Variants in SKAP2 observed in about 807,000 individuals in gnomAD.
SKAP2 encodes src kinase associated phosphoprotein 2.
SKAP2 carries 28 observed loss-of-function variants against 54.9 expected under a neutral mutation model. The observed-to-expected ratio is 0.51, with a 90% CI of 0.38 to 0.70. SKAP2 has a LOEUF of 0.70. Among genes scored for constraint, SKAP2 ranks in the 30% least tolerant of loss-of-function variants. The probability of loss-of-function intolerance (pLI) is 0.00; values close to 1 mark genes in which losing one functional copy is unlikely to be tolerated. For missense variants in SKAP2, 356 were observed against 424.1 expected (o/e 0.84, Z 1.41); for synonymous variants, 137 against 134.3 (o/e 1.02, Z -0.14).
chr7:26,834,701 T>C (rs1784669103), intron 4 of SKAP2, among the ~76,000 whole-genome samples: 1 of 152,054 alleles, frequency 6.6e-6, no homozygotes, highest in Admixed American at 6.6e-5. Flanking sequence ...AGGCAGTAAT[T>C]AACAGCCTAC....
chr7:26,768,281 C>CTTTT (rs150416174), intron 4 of SKAP2, among the ~76,000 whole-genome samples: 4,422 of 139,912 alleles, frequency 0.032, 225 homozygotes, highest in African/African-American at 0.11. Context: ...GCAACCCCTG[C>CTTTT]TTTTTTTTTT....
In SKAP2 at chr7:26,795,459, TTTC is replaced by T. The variant is rs372555714; in HGVS notation, c.307+48568_307+48570del. Among the ~76,000 whole-genome samples, 726 of 152,338 alleles carry T rather than the reference TTTC, an allele frequency of 4.8e-3. 5 individuals are homozygous for T. The highest frequency in any genetic ancestry group is 0.016 in the African/African-American group (658 of 41,584). On this transcript the variant is annotated intron_variant, in intron 4 of 12. Coordinates refer to ENST00000345317, the MANE Select transcript of SKAP2 (RefSeq NM_003930.5). Reference sequence around the variant, plus strand: ...AAACTTCTAAGTGGATTTTTGAATTTTTCTTCTTATTAGTAAGAACCTCATTTT... The same window carrying T: ...AAACTTCTAAGTGGATTTTTGAATTTTTCTTATTAGTAAGAACCTCATTTT...
chr7:26,789,639 G>C (rs890914934), intron 4 of SKAP2, among the ~76,000 whole-genome samples: 1 of 151,968 alleles, frequency 6.6e-6, no homozygotes, highest in Non-Finnish European at 1.5e-5. Context: ...ATAACTCTTG[G>C]TCATCATAGG....
chr7:26,692,331 G>A (rs994459985), intron 9 of SKAP2, among the ~76,000 whole-genome samples: 5 of 152,140 alleles, frequency 3.3e-5, no homozygotes, highest in African/African-American at 1.2e-4. Flanking sequence ...TTTTCAACAG[G>A]AGGAATTTAA....
At chr7:26,716,721 T>C (rs573887223) in intron 9 of SKAP2, among the ~76,000 whole-genome samples, 1 of 152,316 alleles carries the variant, frequency 6.6e-6, no homozygotes, top group Admixed American at 6.5e-5. Flanking sequence ...CAACGCAAGA[T>C]TGCATTCTAT....
chr7:26,853,905 T>G (rs3213853), intron 3 of SKAP2, among the ~76,000 whole-genome samples: 8 of 152,122 alleles, frequency 5.3e-5, no homozygotes, highest in African/African-American at 1.9e-4. Flanking sequence ...CTAAGAATGT[T>G]AAATGCCTAA....
At chr7:26,858,610 C>T (rs2127999437) in intron 1 of SKAP2, among the ~76,000 whole-genome samples, 1 of 152,112 alleles carries the variant, frequency 6.6e-6, no homozygotes, top group East Asian at 1.9e-4. Flanking sequence ...CCTTTTTCCC[C>T]CCTTTTAACA....
At chr7:26,784,873 G>A (rs1316863061) in intron 4 of SKAP2, among the ~76,000 whole-genome samples, 1 of 152,106 alleles carries the variant, frequency 6.6e-6, no homozygotes, top group Non-Finnish European at 1.5e-5. Context: ...ACCTTGAAAT[G>A]CATCAAAAAA....
At chr7:26,781,760 T>C (rs577801167) in intron 4 of SKAP2, among the ~76,000 whole-genome samples, 5 of 152,224 alleles carry the variant, frequency 3.3e-5, no homozygotes, top group South Asian at 2.1e-4. Context: ...CCATCACTTC[T>C]GTCTTGGTTA....
chr7:26,719,583 G>A (rs906765950), intron 9 of SKAP2, among the ~76,000 whole-genome samples: 1 of 152,076 alleles, frequency 6.6e-6, no homozygotes, highest in African/African-American at 2.4e-5. Context: ...GATAAATCAA[G>A]TATTCACACA....
At chr7:26,854,982 G>C (rs556297941) in intron 1 of SKAP2, 92 bp from the exon 2 acceptor site, 6 of 839,318 alleles carry the variant, frequency 7.1e-6, no homozygotes, top group East Asian at 5.4e-5. Flanking sequence ...CTACATATAA[G>C]TGTTAATACC....
intron 9 of SKAP2, among the ~76,000 whole-genome samples, chr7:26,691,686 A>G (rs776592846): frequency 5.9e-5 from 9 of 152,220 alleles, no homozygotes; most frequent in Non-Finnish European, 1.3e-4. Flanking sequence ...AAAGCACTGA[A>G]GAAGTGCAGC....
intron 11 of SKAP2, among the ~76,000 whole-genome samples, chr7:26,678,442 C>CTTTTTT (rs931425488): frequency 2.2e-5 from 3 of 133,834 alleles, no homozygotes; most frequent in African/African-American, 2.8e-5. Flanking sequence ...ACTGGTTGTT[C>CTTTTTT]TTTTTTTTTT....
chr7:26,778,660 G>T (rs548256232), intron 4 of SKAP2, among the ~76,000 whole-genome samples: 6 of 151,888 alleles, frequency 4.0e-5, no homozygotes, highest in Non-Finnish European at 8.8e-5. Context: ...CATGACCTCA[G>T]ATAAGTTACT....
intron 3 of SKAP2, among the ~76,000 whole-genome samples, chr7:26,848,334 C>T (rs1784969125): frequency 6.6e-6 from 1 of 152,104 alleles, no homozygotes; most frequent in South Asian, 2.1e-4. Flanking sequence ...CAACAGAACT[C>T]CAAAATGTTC....
intron 4 of SKAP2, among the ~76,000 whole-genome samples, chr7:26,823,600 G>A (rs1001631412): frequency 2.0e-5 from 3 of 152,092 alleles, no homozygotes; most frequent in African/African-American, 7.2e-5. Flanking sequence ...ACAGAGATGA[G>A]AGCTGCAGAA....
At chr7:26,806,106 T>G (rs1180458655) in intron 4 of SKAP2, among the ~76,000 whole-genome samples, 1 of 152,240 alleles carries the variant, frequency 6.6e-6, no homozygotes, top group African/African-American at 2.4e-5. Flanking sequence ...AAATATTGTG[T>G]ATGTTTTGAT....
chr7:26,858,910 A>G lies in SKAP2; in HGVS notation c.68-4020T>C, dbSNP rs1430887179. On this transcript the variant is annotated intron_variant, in intron 1 of 12. Coordinates refer to ENST00000345317, the MANE Select transcript of SKAP2 (RefSeq NM_003930.5). ...AAACAGCCTAGAATAGGGCTTGCAT[A>G]CTGGAGGTTAAAAACAAGTCACAAA... 4.6e-5 allele frequency among the ~76,000 whole-genome samples: 7 copies of G among 152,226 alleles called. No homozygotes were observed. The East Asian group carries it at 1.4e-3, about 29-fold the overall frequency.
At chr7:26,692,737 C>A (rs1353388516) in intron 9 of SKAP2, among the ~76,000 whole-genome samples, 1 of 152,078 alleles carries the variant, frequency 6.6e-6, no homozygotes, top group South Asian at 2.1e-4. Context: ...TATGCCAAAC[C>A]TTAAAGGCTA....
Sources: allele counts gnomAD v4.1 joint callset (sites outside exome capture counted in the v4.1 genomes callset), GRCh38; gene constraint gnomAD v4.1.1; transcripts MANE v1.5; gene names NCBI Gene and HGNC (gene_info 2026-07-23, HGNC 2026-07-21).